SLC26A11: variants seen among roughly 807,000 people sequenced by gnomAD.
SLC26A11 encodes sodium-independent sulfate anion transporter.
Under a neutral mutation model 62.2 loss-of-function variants are expected in SLC26A11, and 58 were observed. That is an observed-to-expected ratio of 0.93 (90% CI 0.76 to 1.16). SLC26A11 has a LOEUF of 1.16. Ranked by LOEUF, SLC26A11 falls within the 50% of genes most tolerant of loss-of-function variation. The probability of loss-of-function intolerance (pLI) is 0.00; values close to 1 mark genes in which losing one functional copy is unlikely to be tolerated. For synonymous variants in SLC26A11, 411 were observed against 368.9 expected (o/e 1.11, Z -1.31); for missense variants, 790 against 794.3 (o/e 0.99, Z 0.06).
Position 80,223,450 on chromosome 17 carries a change from C to T in SLC26A11, c.513+113C>T. 2.0e-6 allele frequency: 2 copies of T among 987,500 alleles called. No individual in the cohort carries two copies. The highest frequency in any genetic ancestry group is 2.7e-5 in the South Asian group (2 of 74,070). The allele number at this position is 987,500 out of a possible 1,614,324, so 61.2% of individuals were successfully genotyped here. On this transcript the variant is annotated intron_variant, in intron 5 of 17. Coordinates refer to ENST00000361193, the MANE Select transcript of SLC26A11 (RefSeq NM_001166347.2). The surrounding 1 kb of genome is among the most constrained non-coding windows in gnomAD (Gnocchi z 4.6). ...ATCCCTGTGGCCAGTGGACGTCTTG[C>T]TGTTTCAGATTGTCTTCCATGGGTC...
chr17:80,228,100 C>G lies in SLC26A11; in HGVS notation c.736+140C>G. 1 of 616,616 alleles carries G rather than the reference C, an allele frequency of 1.6e-6. No homozygotes were observed. Among genetic ancestry groups the G allele is most frequent in the African/African-American group, 1.8e-5 (1 of 54,622 alleles). 38.2% of individuals were successfully genotyped at this position (616,616 alleles called of 1,614,324 possible). A position where few individuals can be genotyped will look rare whatever the true frequency, so the allele number is the denominator to read the frequency against. On this transcript the variant is annotated intron_variant, in intron 7 of 17. Coordinates refer to ENST00000361193, the MANE Select transcript of SLC26A11 (RefSeq NM_001166347.2). The surrounding 1 kb of genome is among the most constrained non-coding windows in gnomAD (Gnocchi z 4.1). ...CATTGGGACATTTAAAACACCACACCAAACTCTGGGACATGTACTTTTTAT... is the reference window on the plus strand; with the variant it reads ...CATTGGGACATTTAAAACACCACACGAAACTCTGGGACATGTACTTTTTAT...
At chr17:80,248,505 C>G in intron 14 of SLC26A11, 70 bp from the exon 15 acceptor site, 1 of 1,478,374 alleles carries the variant, frequency 6.8e-7, no homozygotes, top group Non-Finnish European at 9.1e-7. Flanking sequence ...GGGCTTCCCG[C>G]TTGGGACAGG....
Position 80,222,392 on chromosome 17 carries a change from A to G in SLC26A11, c.235-263A>G. Reference sequence around the variant, plus strand: ...CTCCATCTCAAAAAAAAAAAAAAAGAATGCTTCCTCAGACTTGGACACAGC... The same window carrying G: ...CTCCATCTCAAAAAAAAAAAAAAAGGATGCTTCCTCAGACTTGGACACAGC... On this transcript the variant is annotated intron_variant, in intron 3 of 17. Transcript: ENST00000361193. This position sits in a 1 kb window ranked among gnomAD's most constrained non-coding sequence, Gnocchi z 4.7. 2.7e-6 allele frequency: 1 copy of G among 369,184 alleles called. No homozygotes were observed. The highest frequency in any genetic ancestry group is 4.7e-6 in the Non-Finnish European group (1 of 211,286). The allele number at this position is 369,184 out of a possible 1,614,324, so 22.9% of individuals were successfully genotyped here. A position where few individuals can be genotyped will look rare whatever the true frequency, so the allele number is the denominator to read the frequency against.
intron 17 of SLC26A11, among the ~76,000 whole-genome samples, chr17:80,251,795 A>G (rs1400501855): frequency 2.0e-5 from 3 of 149,746 alleles, no homozygotes; most frequent in Admixed American, 6.7e-5. Context: ...ACAGGAAACC[A>G]CCTCCACCCC....
chr17:80,249,099 G>A, intron 15 of SLC26A11, 55 bp from the exon 16 acceptor site: 1 of 1,576,460 alleles, frequency 6.3e-7, no homozygotes, highest in Non-Finnish European at 8.6e-7. Flanking sequence ...GGCCTCTGCA[G>A]AGCAGCTTTG....
intron 7 of SLC26A11, among the ~76,000 whole-genome samples, chr17:80,229,626 C>T (rs192270335): frequency 1.6e-3 from 243 of 151,982 alleles, no homozygotes; most frequent in African/African-American, 5.5e-3. Context: ...GATGGGGTTT[C>T]ACCATGTTGG....
intron 10 of SLC26A11, 48 bp downstream of exon 10, chr17:80,241,869 G>A (rs748343429): frequency 6.2e-7 from 1 of 1,603,466 alleles, no homozygotes; most frequent in Non-Finnish European, 8.5e-7. Context: ...GGGCCTCCAG[G>A]GTCCCAGGCC....
chr17:80,223,126 A>G lies in SLC26A11; in HGVS notation c.428-126A>G. 3 of 893,572 alleles carry G rather than the reference A, an allele frequency of 3.4e-6. No individual in the cohort carries two copies. In the East Asian group the frequency reaches 7.9e-5, roughly 24 times the overall value. The allele number at this position is 893,572 out of a possible 1,614,324, so 55.4% of individuals were successfully genotyped here. A position where few individuals can be genotyped will look rare whatever the true frequency, so the allele number is the denominator to read the frequency against. Reference sequence around the variant, plus strand: ...CAGCCAAACAGGGTGTGTTACCCCCAGTCCTTAGCTGCGGTATCTGCTCCC... The same window carrying G: ...CAGCCAAACAGGGTGTGTTACCCCCGGTCCTTAGCTGCGGTATCTGCTCCC... On this transcript the variant is annotated intron_variant, in intron 4 of 17. Transcript: ENST00000361193. This position sits in a 1 kb window ranked among gnomAD's most constrained non-coding sequence, Gnocchi z 4.6.
chr17:80,248,026 C>T (rs993598030), intron 13 of SLC26A11, 104 bp from the exon 14 acceptor site: 11 of 1,384,746 alleles, frequency 7.9e-6, no homozygotes, highest in Non-Finnish European at 1.0e-5. Flanking sequence ...CCATGAGCAC[C>T]TTTACTCATA....
chr17:80,248,376 G>A lies in SLC26A11; in HGVS notation c.1422+119G>A, dbSNP rs973077919. On this transcript the variant is annotated intron_variant, in intron 14 of 17. Transcript: ENST00000361193. ...TGGGTGCTGCTGAAGGGGACCGCTC[G>A]CTGGCAGGTGGGCAGTCACCTTGCT... The A allele has an allele frequency of 4.5e-5, 63 of 1,403,112 alleles. 1 individual carries two copies. The South Asian group carries it at 6.0e-4, about 13-fold the overall frequency. 86.9% of individuals were successfully genotyped at this position (1,403,112 alleles called of 1,614,324 possible). A position where few individuals can be genotyped will look rare whatever the true frequency, so the allele number is the denominator to read the frequency against.
At chr17:80,245,670 G>A (rs1283451856) in intron 11 of SLC26A11, among the ~76,000 whole-genome samples, 1 of 152,200 alleles carries the variant, frequency 6.6e-6, no homozygotes, top group Non-Finnish European at 1.5e-5. Context: ...AGCTCCTGGT[G>A]CCAGAGTCAA....
At chr17:80,232,077 C>A (rs2042579095) in intron 7 of SLC26A11, among the ~76,000 whole-genome samples, 1 of 152,060 alleles carries the variant, frequency 6.6e-6, no homozygotes, top group South Asian at 2.1e-4. Context: ...TTCTTACTTA[C>A]CAGTTATTGT....
intron 7 of SLC26A11, among the ~76,000 whole-genome samples, chr17:80,234,541 G>A (rs1446662026): frequency 6.6e-6 from 1 of 151,844 alleles, no homozygotes; most frequent in Non-Finnish European, 1.5e-5. Flanking sequence ...ATGTGGGTTT[G>A]CAGTTTCATC....
In SLC26A11 at chr17:80,222,764, A is replaced by T. The variant is rs777474848; in HGVS notation, c.344A>T (p.Tyr115Phe). The change falls in exon 4 of 18, where the codon TAC (tyrosine) becomes TTC (phenylalanine). Residue 115 changes from tyrosine (Y) to phenylalanine (F), a missense_variant. Coordinates refer to ENST00000361193, the MANE Select transcript of SLC26A11 (RefSeq NM_001166347.2). The surrounding 1 kb of genome is among the most constrained non-coding windows in gnomAD (Gnocchi z 4.7). ...ATTATGTCCCTCCTGGTCTCCTTCT[A>T]CACCTTCCATGAGCCCGCCTACGCT... ...TAIMSLLVSFYTFHEPAYAVL... is the reference protein window; with the variant it reads ...TAIMSLLVSFFTFHEPAYAVL... 13 of 1,613,846 alleles carry T rather than the reference A, an allele frequency of 8.1e-6. No homozygotes were observed. In the South Asian group the frequency reaches 9.9e-5, roughly 12 times the overall value.
At position 80,223,373 on chromosome 17, in the gene SLC26A11, G is replaced by T; in HGVS notation, c.513+36G>T. The T allele has an allele frequency of 6.3e-7, 1 of 1,599,520 alleles. No homozygotes were observed. On this transcript the variant is annotated intron_variant, in intron 5 of 17. Coordinates refer to ENST00000361193, the MANE Select transcript of SLC26A11 (RefSeq NM_001166347.2). The surrounding 1 kb of genome is among the most constrained non-coding windows in gnomAD (Gnocchi z 4.6). ...CGCCCACCCAGGGCACTGCTCTTTGGCCACTGCTCGTTGGCACAGGGATGG... is the reference window on the plus strand; with the variant it reads ...CGCCCACCCAGGGCACTGCTCTTTGTCCACTGCTCGTTGGCACAGGGATGG...
chr17:80,221,145 G>A (rs2042164119), intron 2 of SLC26A11, 30 bp downstream of exon 2: 1 of 164,832 alleles, frequency 6.1e-6, no homozygotes, highest in South Asian at 1.9e-4. Flanking sequence ...TTCTCTCTGC[G>A]CTGCTCCCCG....
In SLC26A11 at chr17:80,224,302, T is replaced by C. The variant is rs530116803; in HGVS notation, c.513+965T>C. 4.1e-3 allele frequency among the ~76,000 whole-genome samples: 455 copies of C among 109,656 alleles called. 5 individuals carry two copies. Among genetic ancestry groups the C allele is most frequent in the African/African-American group, 0.018 (391 of 21,614 alleles). 71.9% of individuals were successfully genotyped at this position (109,656 alleles called of 152,430 possible). A position where few individuals can be genotyped will look rare whatever the true frequency, so the allele number is the denominator to read the frequency against. On this transcript the variant is annotated intron_variant, in intron 5 of 17. Coordinates refer to ENST00000361193, the MANE Select transcript of SLC26A11 (RefSeq NM_001166347.2). Reference sequence around the variant, plus strand: ...GTGCGTGTGTGAGTGAGTGTGCGTGTGTGTGTGAGAGAGTGTGAGTGTGTA... The same window carrying C: ...GTGCGTGTGTGAGTGAGTGTGCGTGCGTGTGTGAGAGAGTGTGAGTGTGTA...
Position 80,245,188 on chromosome 17 carries a change from C to T in SLC26A11, c.1037-8C>T, listed in dbSNP as rs1341417151. On this transcript the variant is annotated splice_polypyrimidine_tract_variant and splice_region_variant and intron_variant, in intron 10 of 17. Coordinates refer to ENST00000361193, the MANE Select transcript of SLC26A11 (RefSeq NM_001166347.2). ...CTCCACGATCAGCCTGTCTTGCCTC[C>T]TCCCCAGGTCTCACCAACATGTTGG... 3 of 1,613,756 alleles carry T rather than the reference C, an allele frequency of 1.9e-6. No homozygotes were observed. Among genetic ancestry groups the T allele is most frequent in the Admixed American group, 3.3e-5 (2 of 59,948 alleles).
rs560761542 is a variant in SLC26A11 at position 80,252,793 on chromosome 17, C to T, written c.*77C>T. ...GTCACTGTGATTGGATGCTGGATGC[C>T]GCCTGATAGACATGCTGGCCTGGCT... On this transcript the variant is annotated 3_prime_UTR_variant, in exon 18 of 18. Transcript: ENST00000361193. This position sits in a 1 kb window ranked among gnomAD's most constrained non-coding sequence, Gnocchi z 5.2. 5.4e-5 allele frequency: 71 copies of T among 1,318,242 alleles called. No homozygotes were observed. The highest frequency in any genetic ancestry group is 1.8e-4 in the African/African-American group (12 of 68,280). 81.7% of individuals were successfully genotyped at this position (1,318,242 alleles called of 1,614,324 possible).
Sources: gnomAD v4.1 joint callset for allele counts (sites outside exome capture counted in the v4.1 genomes callset) on GRCh38, gnomAD v4.1.1 for gene constraint, Gnocchi (gnomAD v3.1) non-coding constraint, MANE v1.5 for transcripts, NCBI Gene and HGNC (gene_info 2026-07-23, HGNC 2026-07-21) for gene names.